Variants in CHM observed in about 807,000 individuals in gnomAD.
The protein encoded by CHM is CHM Rab escort protein, also known as rab proteins geranylgeranyltransferase component A 1.
In CHM, 10 loss-of-function variants were observed where a neutral mutation model predicts 49.0. That is an observed-to-expected ratio of 0.20 (90% confidence interval 0.13 to 0.35). The LOEUF (loss-of-function observed/expected upper bound fraction) is 0.35. Among genes scored for constraint, CHM ranks in the 10% least tolerant of loss-of-function variants. The pLI, the probability that CHM is intolerant of heterozygous loss-of-function variation, is 1.00. For missense variants in CHM, 455 were observed against 478.4 expected (o/e 0.95, Z 0.46); for synonymous variants, 184 against 167.5 (o/e 1.10, Z -0.76).
chrX:85,895,136 GTTTTTTTT>G (rs527920499), intron 11 of CHM, among the ~76,000 whole-genome samples: 936 of 82,073 alleles, frequency 0.011, 12 homozygotes, highest in African/African-American at 0.038. Flanking sequence ...GTTTTTTTTT[GTTTTTTTT>G]TTTTTTTTTG....
At chrX:86,039,600 TA>T (rs1218117923) in intron 1 of CHM, among the ~76,000 whole-genome samples, 48 of 108,681 alleles carry the variant, frequency 4.4e-4, no homozygotes, top group African/African-American at 1.6e-3. Context: ...AGGGAAATTC[TA>T]GGCAGAAAAG....
At chrX:85,866,016 TC>T (rs1923665319) in intron 14 of CHM, among the ~76,000 whole-genome samples, 1 of 112,571 alleles carries the variant, frequency 8.9e-6, no homozygotes, top group Non-Finnish European at 1.9e-5. Context: ...AAATTTGCAG[TC>T]TGACCATGTG....
Position 85,956,368 on chromosome X carries a change from C to T in CHM, c.951G>A (p.Glu317=), listed in dbSNP as rs778864554. The T allele has an allele frequency of 8.3e-7, 1 of 1,207,866 alleles. No homozygotes were observed. Among genetic ancestry groups the T allele is most frequent in the Non-Finnish European group, 1.1e-6 (1 of 893,122 alleles). The change falls in exon 8 of 15, where the codon GAG becomes GAA. Residue 317 remains glutamate (E), a synonymous_variant. Transcript: ENST00000357749. ...KYPDEYKGYE[E]ITFYEYLKTQ... is the part of the protein sequence containing the mutation. The stretch of plus-strand genomic sequence containing the variant: ...TCTTTAAATATTCATAAAATGTGAT[C>T]TCTTCATATCCTATGAAAAGATGAA...
chrX:85,967,338 CTAATT>C (rs1930634836), intron 4 of CHM, among the ~76,000 whole-genome samples: 1 of 112,108 alleles, frequency 8.9e-6, no homozygotes, highest in Admixed American at 9.4e-5. Context: ...TTCAATTCTA[CTAATT>C]TAAAAGTGTT....
At chrX:85,925,588 C>A (rs926411860) in intron 8 of CHM, among the ~76,000 whole-genome samples, 6 of 111,363 alleles carry the variant, frequency 5.4e-5, no homozygotes, top group African/African-American at 9.8e-5. Context: ...TATAAGATTT[C>A]TTTTGCTCAA....
chrX:85,986,026 G>C (rs776050291), intron 2 of CHM, among the ~76,000 whole-genome samples: 3 of 110,722 alleles, frequency 2.7e-5, no homozygotes, highest in Non-Finnish European at 5.7e-5. Flanking sequence ...TGCTACCCTT[G>C]GACTAACGAA....
At chrX:86,040,547 T>C (rs1934420386) in intron 1 of CHM, among the ~76,000 whole-genome samples, 1 of 112,216 alleles carries the variant, frequency 8.9e-6, no homozygotes, top group South Asian at 3.7e-4. Context: ...CCAGTACTTT[T>C]TAAAATGTGA....
At chrX:85,944,230 G>A (rs1003135018) in intron 8 of CHM, among the ~76,000 whole-genome samples, 1 of 111,864 alleles carries the variant, frequency 8.9e-6, no homozygotes, top group Admixed American at 9.5e-5. Context: ...AAACACAATG[G>A]TTATCATAGA....
At chrX:85,991,012 T>A (rs1462817366) in intron 2 of CHM, among the ~76,000 whole-genome samples, 2 of 111,654 alleles carry the variant, frequency 1.8e-5, no homozygotes, top group Non-Finnish European at 3.8e-5. Context: ...TATTAAGAAA[T>A]TAGGAGTTGA....
At chrX:85,878,033 T>C (rs1924520292) in intron 13 of CHM, among the ~76,000 whole-genome samples, 1 of 112,349 alleles carries the variant, frequency 8.9e-6, no homozygotes, top group South Asian at 3.7e-4. Flanking sequence ...TTTTATCATT[T>C]ACACAGAAAA....
At chrX:85,983,392 A>T (rs149751035) in intron 2 of CHM, among the ~76,000 whole-genome samples, 1 of 110,556 alleles carries the variant, frequency 9.0e-6, no homozygotes, top group African/African-American at 3.3e-5. Context: ...AGTGAAAGGA[A>T]GGAGAAGGTG....
rs5968752 is a variant in CHM at position 85,960,918 on chromosome X, C to A, written c.703-1941G>T. Among the ~76,000 whole-genome samples the A allele has an allele frequency of 3.4e-3, 380 of 110,792 alleles. 2 individuals are homozygous for A. Among genetic ancestry groups the A allele is most frequent in the Middle Eastern group, 0.014 (3 of 213 alleles). On this transcript the variant is annotated intron_variant, in intron 5 of 14. Coordinates refer to ENST00000357749, the MANE Select transcript of CHM (RefSeq NM_000390.4). ...TTCATTTTAAGAATTTCATCTTTGA[C>A]CTTCTCTATTAGTCTGAGCAGTATG...
intron 2 of CHM, among the ~76,000 whole-genome samples, chrX:86,009,823 T>A (rs1932982094): frequency 9.0e-6 from 1 of 111,010 alleles, no homozygotes; most frequent in South Asian, 3.8e-4. Context: ...AACACCACAG[T>A]GTATCATGGG....
At chrX:86,000,963 T>C (rs1039877157) in intron 2 of CHM, among the ~76,000 whole-genome samples, 1 of 112,020 alleles carries the variant, frequency 8.9e-6, no homozygotes, top group Non-Finnish European at 1.9e-5. Flanking sequence ...AAAATAATTA[T>C]GTATTTCAAA....
chrX:85,873,357 T>A (rs1244527093), intron 13 of CHM, 145 bp from the exon 14 acceptor site: 1 of 436,613 alleles, frequency 2.3e-6, no homozygotes, highest in Non-Finnish European at 4.0e-6. Flanking sequence ...TAAATTTGCA[T>A]CTACACACTC....
chrX:85,935,181 C>T (rs774913755), intron 8 of CHM, among the ~76,000 whole-genome samples: 2 of 110,938 alleles, frequency 1.8e-5, no homozygotes, highest in African/African-American at 6.6e-5. Context: ...TAAAAGAGGA[C>T]GAAGCAAGGG....
intron 2 of CHM, among the ~76,000 whole-genome samples, chrX:85,982,825 C>A (rs772172460): frequency 9.0e-6 from 1 of 111,152 alleles, no homozygotes; most frequent in Admixed American, 9.6e-5. Flanking sequence ...AAAAATAAAA[C>A]CTATAATGTG....
At position 85,963,883 on chromosome X, in the gene CHM, C is replaced by T. The variant is rs755873471; in HGVS notation, c.484G>A (p.Asp162Asn). Residue 162 changes from aspartate (D) to asparagine (N), a missense_variant, in exon 5 of 15, where the codon GAT becomes AAT. Physicochemically the swap from Asp to Asn is conservative, Grantham distance 23. Transcript: ENST00000357749. ...TTTACTTCTAGCGCATTCTCTGGAT[C>T]GCTGCTTGGAGTTTGTTCTGTGAGC... ...EMLTEQTPSSDPENALEVNGA... is the reference protein window; with the variant it reads ...EMLTEQTPSSNPENALEVNGA... 25 of 1,208,886 alleles carry T rather than the reference C, an allele frequency of 2.1e-5. No homozygotes were observed. Among genetic ancestry groups the T allele is most frequent in the Non-Finnish European group, 2.8e-5 (25 of 895,072 alleles).
rs2148108201 is a variant in CHM at position 85,861,468 on chromosome X, A to C, written c.*3162T>G. ...CAATCCAGGTAACTATGGCAGTGAC[A>C]GAAGTCAATCATTAATACTGCCATT... On this transcript the variant is annotated 3_prime_UTR_variant, in exon 15 of 15. Coordinates refer to ENST00000357749, the MANE Select transcript of CHM (RefSeq NM_000390.4). 8.9e-6 allele frequency: 1 copy of C among 111,853 alleles called. No individual in the cohort carries two copies. Among genetic ancestry groups the C allele is most frequent in the Admixed American group, 9.6e-5 (1 of 10,467 alleles). The allele number at this position is 111,853 out of a possible 1,213,427, so 9.2% of individuals were successfully genotyped here. A position where few individuals can be genotyped will look rare whatever the true frequency, so the allele number is the denominator to read the frequency against.
Sources: gnomAD v4.1 joint callset for allele counts (sites outside exome capture counted in the v4.1 genomes callset) on GRCh38, gnomAD v4.1.1 for gene constraint, MANE v1.5 for transcripts, NCBI Gene and HGNC (gene_info 2026-07-23, HGNC 2026-07-21) for gene names.